SLC60A1: variants seen among roughly 807,000 people sequenced by gnomAD.
SLC60A1 encodes the protein solute carrier family 60 member 1.
the SLC60A1 span, among the ~76,000 whole-genome samples, chr1:205,587,060 A>G: frequency 1.3e-5 from 2 of 152,130 alleles, no homozygotes; most frequent in Non-Finnish European, 2.9e-5. Flanking sequence ...TCTGCCTAGG[A>G]GGCAGGAGGT....
At chr1:205,576,742 T>A in the SLC60A1 span, among the ~76,000 whole-genome samples, 1 of 152,192 alleles carries the variant, frequency 6.6e-6, no homozygotes, top group African/African-American at 2.4e-5. Flanking sequence ...TAAAGAAATT[T>A]GTTCAGGCTG....
chr1:205,591,316 G>T, the SLC60A1 span, among the ~76,000 whole-genome samples: 1 of 151,530 alleles, frequency 6.6e-6, no homozygotes, highest in East Asian at 1.9e-4. Flanking sequence ...ACCCTTTCTC[G>T]ACTAAAAATA....
the SLC60A1 span, chr1:205,592,287 G>C: frequency 6.2e-7 from 1 of 1,611,440 alleles, no homozygotes; most frequent in Non-Finnish European, 8.5e-7. Context: ...GCAGTACAAA[G>C]GTGAGGGCCG....
chr1:205,593,432 C>A, the SLC60A1 span, among the ~76,000 whole-genome samples: 1 of 46,144 alleles, frequency 2.2e-5, no homozygotes, highest in African/African-American at 1.0e-4. Flanking sequence ...CCAGCCTGGG[C>A]GACAGGGCGA....
chr1:205,601,609 G>C, the SLC60A1 span: 1 of 152,228 alleles, frequency 6.6e-6, no homozygotes, highest in Admixed American at 6.5e-5. Context: ...TTTTGAGACA[G>C]AGTCTCACTC....
the SLC60A1 span, among the ~76,000 whole-genome samples, chr1:205,585,319 G>C: frequency 6.6e-6 from 1 of 152,148 alleles, no homozygotes; most frequent in African/African-American, 2.4e-5. This position sits in a 1 kb window ranked among gnomAD's most constrained non-coding sequence, Gnocchi z 4.2. Flanking sequence ...TCCCCAATTA[G>C]AGGTCATGCT....
chr1:205,600,378 T>C, the SLC60A1 span: 1 of 1,608,996 alleles, frequency 6.2e-7, no homozygotes, highest in Non-Finnish European at 8.5e-7. Flanking sequence ...TGCTGAAACA[T>C]GCTACCTGTT....
the SLC60A1 span, chr1:205,602,307 C>G: frequency 6.6e-6 from 1 of 152,658 alleles, no homozygotes; most frequent in East Asian, 1.9e-4. Context: ...AGCAGCACAG[C>G]TGAGTGCTGA....
At chr1:205,575,680 G>A in the SLC60A1 span, among the ~76,000 whole-genome samples, 1 of 152,320 alleles carries the variant, frequency 6.6e-6, no homozygotes, top group East Asian at 1.9e-4. Context: ...AGCTCCAGCA[G>A]AGCCACAGCT....
At chr1:205,574,248 A>G in the SLC60A1 span, among the ~76,000 whole-genome samples, 2 of 151,884 alleles carry the variant, frequency 1.3e-5, no homozygotes, top group South Asian at 4.2e-4. Context: ...GGAGTTCAAG[A>G]CCAGCCTGGG....
the SLC60A1 span, among the ~76,000 whole-genome samples, chr1:205,570,322 C>A: frequency 3.3e-5 from 5 of 152,254 alleles, no homozygotes; most frequent in African/African-American, 1.2e-4. Context: ...CCAGTCCCAG[C>A]TCCTGGCTGA....
At chr1:205,569,719 G>A in the SLC60A1 span, among the ~76,000 whole-genome samples, 1 of 152,128 alleles carries the variant, frequency 6.6e-6, no homozygotes, top group Non-Finnish European at 1.5e-5. Flanking sequence ...CCGGGGGCGG[G>A]ATTGGCAGTG....
At chr1:205,584,218 A>ATT in the SLC60A1 span, 112,466 of 777,460 alleles carry the variant, frequency 0.14, 5,448 homozygotes, top group African/African-American at 0.32. Flanking sequence ...ATCACAGGTG[A>ATT]TTTTTTTTTT....
the SLC60A1 span, chr1:205,579,520 G>A: frequency 1.7e-6 from 1 of 593,568 alleles, no homozygotes; most frequent in Non-Finnish European, 3.0e-6. Flanking sequence ...GAATACTAGT[G>A]GCTAGGCTTT....
At chr1:205,580,074 G>A in the SLC60A1 span, 3 of 1,054,580 alleles carry the variant, frequency 2.8e-6, no homozygotes, top group Non-Finnish European at 4.0e-6. The surrounding 1 kb of genome is among the most constrained non-coding windows in gnomAD (Gnocchi z 5.0). Flanking sequence ...GTAAGTTCTA[G>A]ACTCGGTTTT....
the SLC60A1 span, among the ~76,000 whole-genome samples, chr1:205,580,147 G>A: frequency 4.6e-5 from 7 of 152,292 alleles, no homozygotes; most frequent in Non-Finnish European, 7.4e-5. The surrounding 1 kb of genome is among the most constrained non-coding windows in gnomAD (Gnocchi z 5.0). Context: ...GAGCCTAAGC[G>A]CTTGGGAAAG....
the SLC60A1 span, chr1:205,599,328 A>C: frequency 6.4e-7 from 1 of 1,565,222 alleles, no homozygotes; most frequent in South Asian, 1.2e-5. Context: ...AGGAGATGCT[A>C]TGGATCTTAA....
chr1:205,596,017 G>T, the SLC60A1 span, among the ~76,000 whole-genome samples: 1 of 152,164 alleles, frequency 6.6e-6, no homozygotes, highest in African/African-American at 2.4e-5. Flanking sequence ...GCCTTCCTGG[G>T]TAGGGTGGGG....
At chr1:205,580,394 G>A in the SLC60A1 span, among the ~76,000 whole-genome samples, 1 of 152,184 alleles carries the variant, frequency 6.6e-6, no homozygotes, top group Non-Finnish European at 1.5e-5. This position sits in a 1 kb window ranked among gnomAD's most constrained non-coding sequence, Gnocchi z 5.0. Context: ...CAGAGATGGG[G>A]AGGGAATTGG....
Sources: allele counts gnomAD v4.1 joint callset (sites outside exome capture counted in the v4.1 genomes callset), GRCh38; gene constraint gnomAD v4.1.1; non-coding constraint Gnocchi (gnomAD v3.1); transcripts MANE v1.5; gene names NCBI Gene and HGNC (gene_info 2026-07-23, HGNC 2026-07-21).